The following DLGAP2 variants were observed in gnomAD, a reference collection of about 807,000 sequenced individuals.
The protein encoded by DLGAP2 is DLG associated protein 2, also known as disks large-associated protein 2.
DLGAP2 carries 26 observed loss-of-function variants against 100.3 expected under a neutral mutation model. That is an observed-to-expected ratio of 0.26 (90% CI 0.19 to 0.36). The LOEUF is 0.36. Among genes scored for constraint, DLGAP2 ranks in the 10% least tolerant of loss-of-function variants. The pLI is 1.00. For synonymous variants in DLGAP2, 886 were observed against 630.1 expected, an observed-to-expected ratio of 1.41 and a Z score of -6.08; for missense variants, 1,858 against 1,453.2, an observed-to-expected ratio of 1.28 and a Z score of -4.53.
rs148591318 is a variant in DLGAP2 at position 1,577,268 on chromosome 8, C to A, written c.1442+11374C>A. Among the ~76,000 whole-genome samples the A allele has an allele frequency of 7.2e-5, 11 of 152,238 alleles. No individual in the cohort carries two copies. The South Asian group carries it at 1.5e-3, about 20-fold the overall frequency. The stretch of plus-strand genomic sequence containing the variant: ...TAAATACACATACTTTGTCAATATA[C>A]GATAAAAATTTTTTAAGGGGCTGGG... On this transcript the variant is annotated intron_variant, in intron 6 of 14. Transcript: ENST00000637795.
At chr8:1,066,409 C>T (rs1803253401) in intron 2 of DLGAP2, among the ~76,000 whole-genome samples, 1 of 149,422 alleles carries the variant, frequency 6.7e-6, no homozygotes, top group Non-Finnish European at 1.5e-5. Context: ...AGGACAGTTC[C>T]CCACCACGGT....
At chr8:862,863 G>A (rs959931065) in intron 1 of DLGAP2, among the ~76,000 whole-genome samples, 3 of 152,094 alleles carry the variant, frequency 2.0e-5, no homozygotes, top group African/African-American at 7.2e-5. Context: ...TCATGATGTT[G>A]TTTTATATTT....
At chr8:1,685,340 G>T (rs1799086656) in intron 12 of DLGAP2, among the ~76,000 whole-genome samples, 1 of 152,222 alleles carries the variant, frequency 6.6e-6, no homozygotes, top group Admixed American at 6.5e-5. Flanking sequence ...TGAGGAATCA[G>T]AAATACTGAT....
chr8:1,568,103 G>A (rs1041393000), intron 6 of DLGAP2, among the ~76,000 whole-genome samples: 5 of 145,832 alleles, frequency 3.4e-5, no homozygotes, highest in Non-Finnish European at 7.5e-5. Flanking sequence ...TCTGCCTGTG[G>A]CCCCCATGCC....
intron 3 of DLGAP2, among the ~76,000 whole-genome samples, chr8:1,456,893 C>T (rs1026398184): frequency 6.6e-6 from 1 of 152,252 alleles, no homozygotes; most frequent in Non-Finnish European, 1.5e-5. Flanking sequence ...CTCTGTGATG[C>T]CGATGAGCCC....
At chr8:1,451,658 G>A (rs983655941) in intron 3 of DLGAP2, among the ~76,000 whole-genome samples, 48 of 151,640 alleles carry the variant, frequency 3.2e-4, no homozygotes, top group African/African-American at 1.1e-3. Flanking sequence ...TCCCCACATC[G>A]AAAACTGAGG....
At chr8:1,493,107 G>T (rs1001460731) in intron 3 of DLGAP2, among the ~76,000 whole-genome samples, 1 of 152,192 alleles carries the variant, frequency 6.6e-6, no homozygotes, top group African/African-American at 2.4e-5. Flanking sequence ...AGGTGACAAC[G>T]AGCTCAAGCT....
intron 8 of DLGAP2, among the ~76,000 whole-genome samples, chr8:1,641,444 C>T (rs986397477): frequency 1.3e-5 from 2 of 152,098 alleles, no homozygotes; most frequent in African/African-American, 4.8e-5. Flanking sequence ...GGATGATCTC[C>T]CAGGTAATGA....
intron 2 of DLGAP2, among the ~76,000 whole-genome samples, chr8:1,226,296 A>G (rs567334676): frequency 2.2e-4 from 33 of 152,336 alleles, no homozygotes; most frequent in Admixed American, 3.9e-4. Flanking sequence ...AGCCATGAAA[A>G]GGAATGGGAC....
At chr8:1,689,580 C>G (rs1023498961) in intron 12 of DLGAP2, among the ~76,000 whole-genome samples, 1 of 152,164 alleles carries the variant, frequency 6.6e-6, no homozygotes, top group Non-Finnish European at 1.5e-5. Flanking sequence ...GCAGCACTTT[C>G]AGTTTTAGGG....
At chr8:1,020,601 G>A (rs1189929750) in intron 2 of DLGAP2, among the ~76,000 whole-genome samples, 2 of 152,212 alleles carry the variant, frequency 1.3e-5, no homozygotes, top group Admixed American at 1.3e-4. Flanking sequence ...AGCATTGTCA[G>A]GAGAACAGTC....
intron 3 of DLGAP2, among the ~76,000 whole-genome samples, chr8:1,360,601 C>T (rs1483199438): frequency 6.6e-6 from 1 of 150,432 alleles, no homozygotes; most frequent in Non-Finnish European, 1.5e-5. Flanking sequence ...CACAGGGAAT[C>T]CACAGGAAAT....
At chr8:1,080,330 C>A (rs1269368783) in intron 2 of DLGAP2, among the ~76,000 whole-genome samples, 1 of 152,354 alleles carries the variant, frequency 6.6e-6, no homozygotes, top group East Asian at 1.9e-4. Context: ...GGCCTTTCCT[C>A]AAGTGCCTTG....
rs2116753832 is a variant in DLGAP2 at position 1,199,698 on chromosome 8, T to C, written c.74-59153T>C. 1.3e-5 allele frequency among the ~76,000 whole-genome samples: 2 copies of C among 152,294 alleles called. 1 individual carries two copies. The highest frequency in any genetic ancestry group is 4.2e-4 in the South Asian group (2 of 4,812). Reference sequence around the variant, plus strand: ...TCTGATGGAGAGTCTTATGGGTATTTGCACTCGGTGGCTCTCACTCGGGCT... The same window carrying C: ...TCTGATGGAGAGTCTTATGGGTATTCGCACTCGGTGGCTCTCACTCGGGCT... On this transcript the variant is annotated intron_variant, in intron 2 of 14. Transcript: ENST00000637795.
intron 2 of DLGAP2, among the ~76,000 whole-genome samples, chr8:1,246,389 A>G (rs1288021921): frequency 6.6e-6 from 1 of 152,142 alleles, no homozygotes. Flanking sequence ...CCAGCTTGGC[A>G]TCCTTCCCTC....
intron 2 of DLGAP2, among the ~76,000 whole-genome samples, chr8:1,174,834 T>G (rs190856926): frequency 6.6e-6 from 1 of 152,270 alleles, no homozygotes; most frequent in East Asian, 1.9e-4. Flanking sequence ...CTATAGCAGC[T>G]GAGTTCTGTT....
Position 1,701,173 on chromosome 8 carries a change from T to TG in DLGAP2, c.2950-14dup. The TG allele has an allele frequency of 6.4e-7, 1 of 1,551,594 alleles. No homozygotes were observed. The highest frequency in any genetic ancestry group is 8.7e-7 in the Non-Finnish European group (1 of 1,148,248). On this transcript the variant is annotated splice_polypyrimidine_tract_variant and intron_variant, in intron 14 of 14. Coordinates refer to ENST00000637795, the MANE Select transcript of DLGAP2 (RefSeq NM_001346810.2). ...CTCCGAGCACCTGCCAACGGTGACT[T>TG]GCGCTGCTTTTCAGGAAGAAAGAAA... is the stretch of plus-strand genomic sequence containing the variant.
intron 2 of DLGAP2, among the ~76,000 whole-genome samples, chr8:1,069,217 C>G (rs531977557): frequency 6.6e-6 from 1 of 152,136 alleles, no homozygotes; most frequent in Non-Finnish European, 1.5e-5. Flanking sequence ...CTTGTTTAAA[C>G]TGAAAAGAAG....
intron 2 of DLGAP2, among the ~76,000 whole-genome samples, chr8:989,006 G>A (rs1467810667): frequency 3.3e-5 from 5 of 152,144 alleles, no homozygotes; most frequent in South Asian, 4.1e-4. Context: ...GCCTCCGCTC[G>A]CGGCTCCCTG....
Sources: gnomAD v4.1 joint callset for allele counts (sites outside exome capture counted in the v4.1 genomes callset) on GRCh38, gnomAD v4.1.1 for gene constraint, MANE v1.5 for transcripts, NCBI Gene and HGNC (gene_info 2026-07-23, HGNC 2026-07-21) for gene names.